LIN52: variants seen among roughly 807,000 people sequenced by gnomAD.
LIN52 encodes the protein protein lin-52 homolog.
In LIN52, 4 loss-of-function variants were observed where a neutral mutation model predicts 18.5. That is an observed-to-expected ratio of 0.22 (90% CI 0.11 to 0.49). LIN52 has a LOEUF of 0.49. LIN52 is among the 20% of genes least tolerant of loss of function. The probability of loss-of-function intolerance (pLI) is 0.97; values close to 1 mark genes in which losing one functional copy is unlikely to be tolerated. For synonymous variants in LIN52, 34 were observed against 45.5 expected (o/e 0.75, Z 1.02); for missense variants, 102 against 139.5 (o/e 0.73, Z 1.35).
intron 5 of LIN52, among the ~76,000 whole-genome samples, chr14:74,190,617 C>T (rs2061359674): frequency 6.6e-6 from 1 of 152,052 alleles, no homozygotes; most frequent in Non-Finnish European, 1.5e-5. Flanking sequence ...GTCTCAAACT[C>T]CTGACCTCAA....
chr14:74,161,698 C>A (rs2139565604), intron 5 of LIN52, among the ~76,000 whole-genome samples: 1 of 152,290 alleles, frequency 6.6e-6, no homozygotes, highest in East Asian at 1.9e-4. Flanking sequence ...GAACACTCTG[C>A]CGGTGCATTG....
chr14:74,108,090 C>T (rs556595243), intron 5 of LIN52, among the ~76,000 whole-genome samples: 31 of 152,272 alleles, frequency 2.0e-4, no homozygotes, highest in East Asian at 1.9e-4. Context: ...GGATTTGCCT[C>T]GTCTGGACAT....
Position 74,116,293 on chromosome 14 carries a change from ACT to A in LIN52, c.283+15058_283+15059del, listed in dbSNP as rs541679784. Among the ~76,000 whole-genome samples, 16 of 149,234 alleles carry A rather than the reference ACT, an allele frequency of 1.1e-4. No homozygotes were observed. The South Asian group carries it at 1.7e-3, about 16-fold the overall frequency. ...ACTCCAGCCTGGGCAACAGAGTGAG[ACT>A]CTGTCTCAAAAAATAAAAAATAAAA... On this transcript the variant is annotated intron_variant, in intron 5 of 5. Transcript: ENST00000555028.
At chr14:74,141,653 G>C (rs116140046) in intron 5 of LIN52, among the ~76,000 whole-genome samples, 1 of 152,330 alleles carries the variant, frequency 6.6e-6, no homozygotes, top group Admixed American at 6.5e-5. Flanking sequence ...GGGAGGTAGT[G>C]TGAGTCTTGT....
intron 5 of LIN52, among the ~76,000 whole-genome samples, chr14:74,104,898 C>G (rs140354742): frequency 6.6e-6 from 1 of 152,164 alleles, no homozygotes; most frequent in East Asian, 1.9e-4. Context: ...AGTCTTATAC[C>G]TAGAGTAGCA....
chr14:74,177,537 T>C (rs2061299356), intron 5 of LIN52, among the ~76,000 whole-genome samples: 1 of 152,216 alleles, frequency 6.6e-6, no homozygotes, highest in Admixed American at 6.5e-5. Context: ...TCCTATGTCT[T>C]TTTGAGTTAT....
rs1224061721 is a variant in LIN52, at chr14:74,170,666, C to T, written c.284-28256C>T. Among the ~76,000 whole-genome samples, 10 of 151,818 alleles carry T rather than the reference C, an allele frequency of 6.6e-5. No homozygotes were observed. The East Asian group carries it at 1.7e-3, about 26-fold the overall frequency. On this transcript the variant is annotated intron_variant, in intron 5 of 5. Coordinates refer to ENST00000555028, the MANE Select transcript of LIN52 (RefSeq NM_001024674.3). The stretch of plus-strand genomic sequence containing the variant: ...TTTTTATTTTTTTAGTTTGATGTTT[C>T]ATATTAGACTACAGTGTGATATATT...
chr14:74,126,734 AGT>A (rs1443958671), intron 5 of LIN52, among the ~76,000 whole-genome samples: 2 of 152,314 alleles, frequency 1.3e-5, no homozygotes, highest in East Asian at 3.9e-4. Flanking sequence ...GCCTAGAGAA[AGT>A]GTGGAATGGG....
chr14:74,198,589 G>A (rs561734819), intron 5 of LIN52, among the ~76,000 whole-genome samples: 1 of 152,360 alleles, frequency 6.6e-6, no homozygotes, highest in African/African-American at 2.4e-5. Flanking sequence ...AACCCCCTGA[G>A]ATAGTGAACA....
intron 5 of LIN52, among the ~76,000 whole-genome samples, chr14:74,142,447 C>G (rs1336560133): frequency 6.6e-6 from 1 of 152,102 alleles, no homozygotes; most frequent in Non-Finnish European, 1.5e-5. Flanking sequence ...TTATTAGATT[C>G]ATGGGATGTA....
intron 5 of LIN52, among the ~76,000 whole-genome samples, chr14:74,170,268 A>G (rs1355555019): frequency 6.6e-6 from 1 of 152,220 alleles, no homozygotes; most frequent in East Asian, 1.9e-4. Context: ...GATGCTTAGT[A>G]AATATCCAGT....
chr14:74,101,502 A>C, intron 5 of LIN52, among the ~76,000 whole-genome samples: 1 of 144,858 alleles, frequency 6.9e-6, no homozygotes, highest in Admixed American at 7.1e-5. Context: ...TCTGTCGCCC[A>C]GGCTGGAGTG....
intron 5 of LIN52, among the ~76,000 whole-genome samples, chr14:74,197,355 T>A (rs1007982116): frequency 6.6e-6 from 1 of 152,172 alleles, no homozygotes; most frequent in Admixed American, 6.5e-5. Flanking sequence ...AAGGGCTATA[T>A]GAATTAATCA....
intron 5 of LIN52, among the ~76,000 whole-genome samples, chr14:74,143,398 A>G (rs1448798560): frequency 6.6e-6 from 1 of 152,100 alleles, no homozygotes. Flanking sequence ...AAAAATACCA[A>G]TAAAATTAGC....
chr14:74,186,517 C>T (rs1331904986), intron 5 of LIN52, among the ~76,000 whole-genome samples: 1 of 152,076 alleles, frequency 6.6e-6, no homozygotes, highest in Non-Finnish European at 1.5e-5. Flanking sequence ...CACCTTTAAT[C>T]CCAGCACTTT....
At chr14:74,156,401 C>A (rs1436122821) in intron 5 of LIN52, among the ~76,000 whole-genome samples, 2 of 152,158 alleles carry the variant, frequency 1.3e-5, no homozygotes, top group African/African-American at 4.8e-5. Flanking sequence ...AATTGAGCAT[C>A]TGTTAGGTGT....
chr14:74,168,765 A>G (rs555893617), intron 5 of LIN52, among the ~76,000 whole-genome samples: 1 of 151,938 alleles, frequency 6.6e-6, no homozygotes, highest in South Asian at 2.1e-4. Context: ...GTTACATGTT[A>G]AGAATTTCTG....
intron 5 of LIN52, among the ~76,000 whole-genome samples, chr14:74,159,362 C>T (rs2061214338): frequency 6.6e-6 from 1 of 152,090 alleles, no homozygotes; most frequent in African/African-American, 2.4e-5. Flanking sequence ...CTTAGCATAA[C>T]CTTCATTCAG....
chr14:74,139,842 G>C (rs1156730225), intron 5 of LIN52, among the ~76,000 whole-genome samples: 1 of 152,162 alleles, frequency 6.6e-6, no homozygotes, highest in Non-Finnish European at 1.5e-5. Context: ...ACATAGGCTT[G>C]ATTATAATAG....
Sources: allele counts gnomAD v4.1 joint callset (sites outside exome capture counted in the v4.1 genomes callset), GRCh38; gene constraint gnomAD v4.1.1; transcripts MANE v1.5; gene names NCBI Gene and HGNC (gene_info 2026-07-23, HGNC 2026-07-21).